SLC9A8: variants seen among roughly 807,000 people sequenced by gnomAD.
SLC9A8 encodes solute carrier family 9 member A8, also known as sodium/hydrogen exchanger 8.
Under a neutral mutation model 66.6 loss-of-function variants are expected in SLC9A8, and 48 were observed. The observed-to-expected ratio is 0.72, with a 90% CI of 0.57 to 0.92. The LOEUF is 0.92. SLC9A8 is among the 40% of genes least tolerant of loss of function. The probability of loss-of-function intolerance (pLI) is 0.00; values close to 1 mark genes in which losing one functional copy is unlikely to be tolerated. For synonymous variants in SLC9A8, 274 were observed against 282.6 expected, an observed-to-expected ratio of 0.97 and a Z score of 0.31; for missense variants, 599 against 747.3, an observed-to-expected ratio of 0.80 and a Z score of 2.31.
At chr20:49,839,034 G>A (rs930714945) in intron 3 of SLC9A8, among the ~76,000 whole-genome samples, 1 of 152,036 alleles carries the variant, frequency 6.6e-6, no homozygotes, top group Non-Finnish European at 1.5e-5. Context: ...GAACTTAGAT[G>A]GTCTGTTTTC....
At chr20:49,825,976 G>C (rs868460320) in intron 3 of SLC9A8, among the ~76,000 whole-genome samples, 3 of 152,190 alleles carry the variant, frequency 2.0e-5, no homozygotes, top group Non-Finnish European at 4.4e-5. Flanking sequence ...AACTGGGAGT[G>C]GGGTGGAATG....
intron 4 of SLC9A8, among the ~76,000 whole-genome samples, chr20:49,839,819 AT>A (rs1334282080): frequency 2.6e-5 from 4 of 151,142 alleles, no homozygotes; most frequent in Admixed American, 6.6e-5. Context: ...CGCCAATGTC[AT>A]TTTTTTTTGT....
At chr20:49,883,638 A>G (rs191366836) in intron 13 of SLC9A8, among the ~76,000 whole-genome samples, 4 of 152,242 alleles carry the variant, frequency 2.6e-5, no homozygotes, top group African/African-American at 4.8e-5. Context: ...TGATCTGCCA[A>G]TGTTGGAATG....
intron 4 of SLC9A8, among the ~76,000 whole-genome samples, chr20:49,842,389 TTACAG>T (rs2087804742): frequency 6.6e-6 from 1 of 152,160 alleles, no homozygotes; most frequent in South Asian, 2.1e-4. Context: ...CAAGGCAACA[TTACAG>T]TACTATTTCA....
chr20:49,872,558 T>C (rs546418792), intron 10 of SLC9A8, among the ~76,000 whole-genome samples: 26 of 152,102 alleles, frequency 1.7e-4, no homozygotes, highest in African/African-American at 5.8e-4. Context: ...CAATCTCGGC[T>C]CACTGCATCC....
intron 3 of SLC9A8, among the ~76,000 whole-genome samples, chr20:49,838,111 A>G (rs2087615411): frequency 6.6e-6 from 1 of 152,192 alleles, no homozygotes; most frequent in Non-Finnish European, 1.5e-5. Flanking sequence ...AAATATATGT[A>G]AGAGGATAGA....
chr20:49,871,773 A>T (rs2089215675), intron 10 of SLC9A8, among the ~76,000 whole-genome samples: 1 of 152,228 alleles, frequency 6.6e-6, no homozygotes, highest in Non-Finnish European at 1.5e-5. Context: ...CCCAGTGCCA[A>T]CAGTGGGTCA....
At chr20:49,822,111 G>C (rs6067239) in intron 2 of SLC9A8, among the ~76,000 whole-genome samples, 13,049 of 152,246 alleles carry the variant, frequency 0.086, 669 homozygotes, top group Middle Eastern at 0.13. Flanking sequence ...AGTATTTGGG[G>C]TGTTCAGCCT....
chr20:49,835,471 C>T (rs2087492616), intron 3 of SLC9A8, among the ~76,000 whole-genome samples: 1 of 151,942 alleles, frequency 6.6e-6, no homozygotes, highest in African/African-American at 2.4e-5. Flanking sequence ...TTTTCATTAC[C>T]CCAAAAAGAA....
chr20:49,828,684 C>G (rs1025004187), intron 3 of SLC9A8, among the ~76,000 whole-genome samples: 16 of 151,550 alleles, frequency 1.1e-4, no homozygotes, highest in Middle Eastern at 3.4e-3. Context: ...ATTAAAAATA[C>G]AAAAATTACC....
chr20:49,865,751 C>A (rs192392414), intron 10 of SLC9A8, among the ~76,000 whole-genome samples: 7 of 152,170 alleles, frequency 4.6e-5, no homozygotes, highest in African/African-American at 7.2e-5. Context: ...CAGCTTGTTA[C>A]GTTGTAAGGA....
chr20:49,815,064 T>G lies in SLC9A8; in HGVS notation c.83T>G (p.Val28Gly), dbSNP rs752846255. ...AATGTCACCCTCCACACCACCCTGG[T>G]TGTCACGACGAAACTGGTGCTCCCG... ...GFNVTLHTTL[V>G]VTTKLVLPTP... Residue 28 changes from valine (V) to glycine (G), a missense_variant, in exon 2 of 16, where the codon GTT becomes GGT. Transcript: ENST00000361573. 8.7e-6 allele frequency: 14 copies of G among 1,609,376 alleles called. No individual in the cohort carries two copies. The South Asian group carries it at 1.4e-4, about 17-fold the overall frequency.
intron 1 of SLC9A8, 107 bp downstream of exon 1, chr20:49,813,055 G>C: frequency 1.9e-6 from 2 of 1,046,448 alleles, no homozygotes; most frequent in Non-Finnish European, 2.6e-6. Flanking sequence ...AGCTTCTTTT[G>C]CTGGTTGGCC....
intron 11 of SLC9A8, among the ~76,000 whole-genome samples, chr20:49,876,885 G>C (rs1020183589): frequency 6.6e-6 from 1 of 152,120 alleles, no homozygotes; most frequent in African/African-American, 2.4e-5. Flanking sequence ...AGAGAGAAGG[G>C]GGGGTAAATT....
intron 8 of SLC9A8, 90 bp downstream of exon 8, chr20:49,855,671 G>A: frequency 3.1e-6 from 4 of 1,272,164 alleles, no homozygotes. Flanking sequence ...CACAGCATGT[G>A]TACAGTTGCT....
intron 8 of SLC9A8, among the ~76,000 whole-genome samples, chr20:49,862,382 C>T (rs2088779409): frequency 6.6e-6 from 1 of 152,190 alleles, no homozygotes; most frequent in Non-Finnish European, 1.5e-5. Flanking sequence ...CTGCCTCAGC[C>T]TCCCGAGTAG....
At chr20:49,835,679 CTTTTT>C (rs34461954) in intron 3 of SLC9A8, among the ~76,000 whole-genome samples, 1 of 71,972 alleles carries the variant, frequency 1.4e-5, no homozygotes, top group African/African-American at 6.1e-5. Context: ...ACACAATTCA[CTTTTT>C]TTTTTTTTTT....
chr20:49,845,515 A>G (rs1307274118), intron 5 of SLC9A8, among the ~76,000 whole-genome samples: 1 of 151,702 alleles, frequency 6.6e-6, no homozygotes, highest in Non-Finnish European at 1.5e-5. Context: ...TGTTTCTTTC[A>G]GCTCCCCCAC....
rs746646644 is a variant in SLC9A8 at position 49,855,472 on chromosome 20, C to G, written c.604C>G (p.Pro202Ala). The G allele has an allele frequency of 6.2e-7, 1 of 1,614,198 alleles. No homozygotes were observed. The highest frequency in any genetic ancestry group is 1.1e-5 in the South Asian group (1 of 91,080). ...TGGCTCCCTAATATCTGCTGTCGAT[C>G]CAGTGGCCACTATTGCCATTTTCAA... ...AFGSLISAVDPVATIAIFNAL... is the reference protein window; with the variant it reads ...AFGSLISAVDAVATIAIFNAL... Residue 202 changes from proline to alanine, a missense_variant, in exon 8 of 16, where the codon CCA becomes GCA. Transcript: ENST00000361573.
Sources: allele counts gnomAD v4.1 joint callset (sites outside exome capture counted in the v4.1 genomes callset), GRCh38; gene constraint gnomAD v4.1.1; transcripts MANE v1.5; gene names NCBI Gene and HGNC (gene_info 2026-07-23, HGNC 2026-07-21).